CTC1: variants seen among roughly 807,000 people sequenced by gnomAD.
CTC1 encodes CST complex subunit CTC1.
In CTC1, 91 loss-of-function variants were observed where a neutral mutation model predicts 136.3. That is an observed-to-expected ratio of 0.67 (90% CI 0.56 to 0.79). The LOEUF (loss-of-function observed/expected upper bound fraction) is 0.79. Among genes scored for constraint, CTC1 ranks in the 30% least tolerant of loss-of-function variants. The pLI, the probability that CTC1 is intolerant of heterozygous loss-of-function variation, is 0.00. For synonymous variants in CTC1, 606 were observed against 613.8 expected, an observed-to-expected ratio of 0.99 and a Z score of 0.19; for missense variants, 1,432 against 1,498.1, an observed-to-expected ratio of 0.96 and a Z score of 0.73.
chr17:8,232,486 A>G lies in CTC1; in HGVS notation c.1946-11T>C, dbSNP rs372245030. 19 of 1,610,498 alleles carry G rather than the reference A, an allele frequency of 1.2e-5. No individual in the cohort carries two copies. In the South Asian group the frequency reaches 1.3e-4, roughly 11 times the overall value. On this transcript the variant is annotated splice_polypyrimidine_tract_variant and intron_variant, in intron 11 of 22. Coordinates refer to ENST00000651323, the MANE Select transcript of CTC1 (RefSeq NM_025099.6). ...CCCGCACCAGGCAGCCTAGAGGAAG[A>G]AAGTTTTCTGTTTTGACAAGAAAGG... is the stretch of plus-strand genomic sequence containing the variant.
chr17:8,244,726 C>T (rs1385408373), intron 1 of CTC1, among the ~76,000 whole-genome samples: 5 of 152,076 alleles, frequency 3.3e-5, no homozygotes, highest in Admixed American at 1.3e-4. Context: ...GAAGTTTCAC[C>T]ATGTTGGCCA....
rs1425552145 is a variant in CTC1 at position 8,238,949 on chromosome 17, G to A, written c.198-320C>T. 2.6e-5 allele frequency among the ~76,000 whole-genome samples: 4 copies of A among 152,014 alleles called. No homozygotes were observed. In the South Asian group the frequency reaches 6.2e-4, roughly 24 times the overall value. On this transcript the variant is annotated intron_variant, in intron 2 of 22. Coordinates refer to ENST00000651323, the MANE Select transcript of CTC1 (RefSeq NM_025099.6). ...CTACTAAAAATACAAAAAATTAGCC[G>A]AGCATGGTGGTGTGCAGCTGTAATC...
At chr17:8,245,750 A>G (rs1001094257) in intron 1 of CTC1, among the ~76,000 whole-genome samples, 4 of 152,096 alleles carry the variant, frequency 2.6e-5, no homozygotes, top group African/African-American at 9.7e-5. Context: ...TCTGGGCAAC[A>G]AGGCAAAGAC....
chr17:8,240,807 C>T (rs949298424), intron 2 of CTC1, among the ~76,000 whole-genome samples: 2 of 151,776 alleles, frequency 1.3e-5, no homozygotes, highest in Admixed American at 6.6e-5. Flanking sequence ...ATCTGGGAGG[C>T]GGAGGTTGCA....
chr17:8,231,969 G>C lies in CTC1; in HGVS notation c.2319C>G (p.Thr773=). Reference sequence around the variant, plus strand: ...CCCATCCAGTACCCTCCTTCCTCTGGGTGCCCCCAAGCCAGCTCCCCAACA... The same window carrying C: ...CCCATCCAGTACCCTCCTTCCTCTGCGTGCCCCCAAGCCAGCTCCCCAACA... ...FYVLGSWLGG[T]QRKEGTGWGL... Residue 773 remains threonine, a synonymous_variant, in exon 13 of 23, where the codon ACC becomes ACG. Coordinates refer to ENST00000651323, the MANE Select transcript of CTC1 (RefSeq NM_025099.6). The C allele has an allele frequency of 1.9e-6, 3 of 1,612,024 alleles. No individual in the cohort carries two copies. In the South Asian group the frequency reaches 3.3e-5, roughly 18 times the overall value.
rs796651282 is a variant in CTC1 at position 8,226,701 on chromosome 17, G to A, written c.*1479C>T. 9 of 152,282 alleles carry A rather than the reference G, an allele frequency of 5.9e-5. No homozygotes were observed. Among genetic ancestry groups the A allele is most frequent in the African/African-American group, 9.6e-5 (4 of 41,532 alleles). 9.4% of individuals were successfully genotyped at this position (152,282 alleles called of 1,614,324 possible). Reference sequence around the variant, plus strand: ...ACTCGGCCACGACTACGAGGCTTAGGGCTTCGTTTTCATCCAATGCCTTTC... The same window carrying A: ...ACTCGGCCACGACTACGAGGCTTAGAGCTTCGTTTTCATCCAATGCCTTTC... On this transcript the variant is annotated 3_prime_UTR_variant, in exon 23 of 23. Transcript: ENST00000651323.
chr17:8,237,714 C>T (rs1987864091), intron 4 of CTC1, among the ~76,000 whole-genome samples, 195 bp from the exon 5 acceptor site: 1 of 126,864 alleles, frequency 7.9e-6, no homozygotes, highest in East Asian at 2.4e-4. Flanking sequence ...CAGCAGCAGT[C>T]ATCTTTATTT....
chr17:8,226,792 G>C lies in CTC1; in HGVS notation c.*1388C>G, dbSNP rs1274900798. The C allele has an allele frequency of 6.6e-6, 1 of 152,172 alleles. No homozygotes were observed. The highest frequency in any genetic ancestry group is 1.9e-4 in the East Asian group (1 of 5,196). The allele number at this position is 152,172 out of a possible 1,614,324, so 9.4% of individuals were successfully genotyped here. ...GCTTCAGGGAAAAAAAGACGCGGCG[G>C]TTGCACGTGAACCTTCCTTTCACCC... On this transcript the variant is annotated 3_prime_UTR_variant, in exon 23 of 23. Transcript: ENST00000651323.
At chr17:8,242,027 T>C (rs1055309684) in intron 2 of CTC1, among the ~76,000 whole-genome samples, 1 of 109,820 alleles carries the variant, frequency 9.1e-6, no homozygotes, top group African/African-American at 2.7e-5. Flanking sequence ...AGATAGTGAT[T>C]ATTATTATTA....
intron 2 of CTC1, among the ~76,000 whole-genome samples, chr17:8,242,547 AAAAAAAATAT>A (rs1489891213): frequency 1.6e-3 from 155 of 96,766 alleles, no homozygotes; most frequent in African/African-American, 3.5e-3. Flanking sequence ...AAAAAAAAAA[AAAAAAAATAT>A]ATATATATAT....
intron 20 of CTC1, 123 bp from the exon 21 acceptor site, chr17:8,229,015 C>T (rs1986976355): frequency 6.8e-7 from 1 of 1,464,212 alleles, no homozygotes; most frequent in Non-Finnish European, 9.4e-7. Flanking sequence ...AGCTTACCCT[C>T]ATTCATTCGT....
In CTC1 at chr17:8,229,225, T is replaced by A. The variant is rs1220017598; in HGVS notation, c.3157-19A>T. The A allele has an allele frequency of 6.2e-7, 1 of 1,614,120 alleles. No individual in the cohort carries two copies. Among genetic ancestry groups the A allele is most frequent in the East Asian group, 2.2e-5 (1 of 44,882 alleles). On this transcript the variant is annotated intron_variant, in intron 19 of 22. Coordinates refer to ENST00000651323, the MANE Select transcript of CTC1 (RefSeq NM_025099.6). The stretch of plus-strand genomic sequence containing the variant: ...ACTTTCCCTGGGATGAAGACAGTGG[T>A]TGGAAAAGTCCTCTTGGTCCCATCA...
rs1233799443 is a variant in CTC1 at position 8,248,015 on chromosome 17, C to T, written c.22G>A (p.Val8Ile). Residue 8 changes from valine (V) to isoleucine (I), a missense_variant, in exon 1 of 23, where the codon GTC becomes ATC. Val to Ile is a conservative substitution (Grantham distance 29). Transcript: ENST00000651323. ...ATAGCAGCACTCACGGAGGAAGGGA[C>T]CTGGGCCCGGCCAGCCGCCATGATG... Reference protein sequence around the residue: MAAGRAQVPSSEQAWLED... With the variant: MAAGRAQIPSSEQAWLED... The T allele has an allele frequency of 3.3e-6, 5 of 1,530,954 alleles. No homozygotes were observed. The highest frequency in any genetic ancestry group is 1.1e-5 in the South Asian group (1 of 89,698). 94.8% of individuals were successfully genotyped at this position (1,530,954 alleles called of 1,614,324 possible).
Position 8,229,945 on chromosome 17 carries a change from AAAC to A in CTC1, c.2954_2956del (p.Cys985del), listed in dbSNP as rs199473679. ...GACCTGCACATAAGTGGATGACCGG[AAAC>A]AACAATAAACATTGTGAGATCTGCA... On this transcript the variant is annotated inframe_deletion, in exon 18 of 23. Transcript: ENST00000651323. 31 of 1,614,176 alleles carry A rather than the reference AAAC, an allele frequency of 1.9e-5. No homozygotes were observed. The Admixed American group carries it at 4.0e-4, about 21-fold the overall frequency.
intron 18 of CTC1, 84 bp downstream of exon 18, chr17:8,229,807 A>G: frequency 1.7e-6 from 2 of 1,180,808 alleles, no homozygotes; most frequent in South Asian, 2.5e-5. Context: ...GACTGTAATG[A>G]TGGCAAAATC....
rs201280372 is a variant in CTC1, at chr17:8,248,024, G to T, written c.13C>A (p.Arg5=). Residue 5 remains arginine, a synonymous_variant, in exon 1 of 23, where the codon CGG becomes AGG. Coordinates refer to ENST00000651323, the MANE Select transcript of CTC1 (RefSeq NM_025099.6). Reference sequence around the variant, plus strand: ...CTCACGGAGGAAGGGACCTGGGCCCGGCCAGCCGCCATGATGCGCCGGAGC... The same window carrying T: ...CTCACGGAGGAAGGGACCTGGGCCCTGCCAGCCGCCATGATGCGCCGGAGC... MAAG[R]AQVPSSEQAW... The T allele has an allele frequency of 1.9e-6, 3 of 1,598,154 alleles. No homozygotes were observed. Among genetic ancestry groups the T allele is most frequent in the Non-Finnish European group, 2.6e-6 (3 of 1,172,162 alleles).
intron 1 of CTC1, chr17:8,247,518 C>CAGGCT (rs1251115666): frequency 1.3e-5 from 2 of 154,516 alleles, no homozygotes; most frequent in Non-Finnish European, 2.9e-5. Flanking sequence ...CCATGTTGGT[C>CAGGCT]AGGCTGGTCT....
intron 1 of CTC1, chr17:8,247,535 C>A (rs1423092627): frequency 6.4e-6 from 1 of 155,974 alleles, no homozygotes; most frequent in Non-Finnish European, 1.4e-5. Context: ...GTCTCGAACT[C>A]CTGACCTCAA....
intron 1 of CTC1, among the ~76,000 whole-genome samples, chr17:8,246,975 T>C (rs1988780265): frequency 2.0e-5 from 1 of 50,420 alleles, no homozygotes; most frequent in South Asian, 6.7e-4. Flanking sequence ...CTTATTTATT[T>C]ATTTATTTAT....
Sources: allele counts gnomAD v4.1 joint callset (sites outside exome capture counted in the v4.1 genomes callset), GRCh38; gene constraint gnomAD v4.1.1; transcripts MANE v1.5; gene names NCBI Gene and HGNC (gene_info 2026-07-23, HGNC 2026-07-21).